GPT2: variants seen among roughly 807,000 people sequenced by gnomAD.
The protein encoded by GPT2 is glutamic--pyruvic transaminase 2.
A neutral mutation model predicts 56.9 loss-of-function variants in GPT2; 30 were observed. The observed-to-expected ratio is 0.53, with a 90% CI of 0.39 to 0.72. The LOEUF is 0.72. Among genes scored for constraint, GPT2 ranks in the 30% least tolerant of loss-of-function variants. The pLI, the probability that GPT2 is intolerant of heterozygous loss-of-function variation, is 0.00. For synonymous variants in GPT2, 271 were observed against 283.1 expected (o/e 0.96, Z 0.43); for missense variants, 542 against 703.4 (o/e 0.77, Z 2.60).
In GPT2 at chr16:46,897,692, G is replaced by A. The variant is rs1259892565; in HGVS notation, c.288G>A (p.Gly96=). The change falls in exon 3 of 12, where the codon GGG becomes GGA. Residue 96 remains glycine, a synonymous_variant. Coordinates refer to ENST00000340124, the MANE Select transcript of GPT2 (RefSeq NM_133443.4). The part of the protein sequence containing the change: ...PFTEVIRANI[G]DAQAMGQQPI... ...CAGAGGTCATCCGAGCCAACATCGG[G>A]GACGCCCAGGCTATGGGGCAGCAGC... is the stretch of plus-strand genomic sequence containing the variant. 5.6e-6 allele frequency: 9 copies of A among 1,614,016 alleles called. No homozygotes were observed. Among genetic ancestry groups the A allele is most frequent in the Non-Finnish European group, 5.9e-6 (7 of 1,179,990 alleles).
At chr16:46,918,873 C>A in intron 8 of GPT2, 116 bp downstream of exon 8, 1 of 1,253,214 alleles carries the variant, frequency 8.0e-7, no homozygotes, top group South Asian at 1.4e-5. Context: ...CTGCCCTTAT[C>A]TGTTGCTTCT....
intron 6 of GPT2, among the ~76,000 whole-genome samples, chr16:46,914,612 T>C (rs560359015): frequency 6.6e-6 from 1 of 152,320 alleles, no homozygotes; most frequent in South Asian, 2.1e-4. Flanking sequence ...TGCTCATCTT[T>C]AGTGATGCAT....
At chr16:46,905,402 C>G (rs1407618674) in intron 4 of GPT2, among the ~76,000 whole-genome samples, 1 of 152,198 alleles carries the variant, frequency 6.6e-6, no homozygotes, top group African/African-American at 2.4e-5. Context: ...TGGACTGATG[C>G]ATGCTGAGGC....
intron 3 of GPT2, among the ~76,000 whole-genome samples, chr16:46,898,913 C>T (rs905797906): frequency 9.8e-5 from 14 of 142,138 alleles, no homozygotes; most frequent in South Asian, 4.4e-4. Context: ...CATATATATA[C>T]ACACACATAT....
chr16:46,912,495 C>T (rs1390372353), intron 6 of GPT2, among the ~76,000 whole-genome samples: 1 of 152,224 alleles, frequency 6.6e-6, no homozygotes, highest in African/African-American at 2.4e-5. Flanking sequence ...ATTGGCAGCT[C>T]TGTGTCCCAG....
At chr16:46,894,271 GGGCT>G (rs1445131577) in intron 2 of GPT2, among the ~76,000 whole-genome samples, 2 of 152,198 alleles carry the variant, frequency 1.3e-5, no homozygotes, top group Non-Finnish European at 2.9e-5. Context: ...TCCCTGTGTT[GGGCT>G]GGCCCAGGGC....
At position 46,926,963 on chromosome 16, in the gene GPT2, G is replaced by A; in HGVS notation, c.1407G>A (p.Lys469=). ...CTCCAGACATGTTCTACTGCATGAA[G>A]CTCCTGGAGGAGACTGGCATCTGTG... ...QMAPDMFYCM[K]LLEETGICVV... The change falls in exon 11 of 12, where the codon AAG becomes AAA. Residue 469 remains lysine (K), a synonymous_variant. Coordinates refer to ENST00000340124, the MANE Select transcript of GPT2 (RefSeq NM_133443.4). The A allele has an allele frequency of 6.2e-7, 1 of 1,606,834 alleles. No homozygotes were observed.
rs200474333 is a variant in GPT2, at chr16:46,917,536, T to C, written c.900+829T>C. The stretch of plus-strand genomic sequence containing the variant: ...AGGGTCTGCTCATTCTTTTTCTGTT[T>C]TGTAAGAAAGAAACTGAGGTTCCAG... On this transcript the variant is annotated intron_variant, in intron 7 of 11. Coordinates refer to ENST00000340124, the MANE Select transcript of GPT2 (RefSeq NM_133443.4). 3.7e-4 allele frequency among the ~76,000 whole-genome samples: 57 copies of C among 152,300 alleles called. No individual in the cohort carries two copies. In the East Asian group the frequency reaches 0.01, roughly 27 times the overall value.
intron 3 of GPT2, among the ~76,000 whole-genome samples, chr16:46,900,318 AC>A (rs1455219007): frequency 6.6e-6 from 1 of 152,006 alleles, no homozygotes; most frequent in Non-Finnish European, 1.5e-5. Context: ...GCCATGCTCC[AC>A]CCAGCTGGGC....
intron 6 of GPT2, among the ~76,000 whole-genome samples, chr16:46,913,089 T>C (rs986748488): frequency 6.6e-6 from 1 of 152,230 alleles, no homozygotes; most frequent in Non-Finnish European, 1.5e-5. Flanking sequence ...CATTCCCTTC[T>C]CCTGCGCCAC....
intron 11 of GPT2, among the ~76,000 whole-genome samples, chr16:46,928,371 TC>T (rs1324948793): frequency 2.0e-5 from 3 of 151,178 alleles, no homozygotes; most frequent in Middle Eastern, 6.9e-3. Context: ...ATGCCTGTAA[TC>T]CCAGCACTTT....
At position 46,916,615 on chromosome 16, in the gene GPT2, G is replaced by C; in HGVS notation, c.821-13G>C. 1 of 1,608,840 alleles carries C rather than the reference G, an allele frequency of 6.2e-7. No individual in the cohort carries two copies. Among genetic ancestry groups the C allele is most frequent in the Non-Finnish European group, 8.5e-7 (1 of 1,175,228 alleles). ...TTACAACCGACATTTTGGTTTTCTT[G>C]GGGATTTTATAGGCCAGGTACAAAG... On this transcript the variant is annotated splice_polypyrimidine_tract_variant and intron_variant, in intron 6 of 11. Transcript: ENST00000340124.
At chr16:46,913,745 T>C (rs745375659) in intron 6 of GPT2, among the ~76,000 whole-genome samples, 1 of 152,196 alleles carries the variant, frequency 6.6e-6, no homozygotes, top group Non-Finnish European at 1.5e-5. Flanking sequence ...GTTTTGCATA[T>C]ATATATATGT....
At position 46,907,098 on chromosome 16, in the gene GPT2, G is replaced by T. The variant is rs1056239199; in HGVS notation, c.576+123G>T. ...GTGGCAGCACGGGTGGCCACCCTCT[G>T]GTCCCCCAGCCCTGGCAGCCTGCAG... On this transcript the variant is annotated intron_variant, in intron 5 of 11. Transcript: ENST00000340124. The T allele has an allele frequency of 7.0e-6, 9 of 1,293,214 alleles. No homozygotes were observed. In the African/African-American group the frequency reaches 1.0e-4, roughly 15 times the overall value. The allele number at this position is 1,293,214 out of a possible 1,614,324, so 80.1% of individuals were successfully genotyped here.
In GPT2 at chr16:46,930,659, T is replaced by C. The variant is rs1961526680; in HGVS notation, c.*1662T>C. ...ATTAGTCCCAGGGTCGTGAGGTTTC[T>C]GGTGAAAAGGTTAAATCGTAGAAGC... On this transcript the variant is annotated 3_prime_UTR_variant, in exon 12 of 12. Transcript: ENST00000340124. 1 of 152,636 alleles carries C rather than the reference T, an allele frequency of 6.6e-6. No homozygotes were observed. The highest frequency in any genetic ancestry group is 2.1e-4 in the South Asian group (1 of 4,832). 9.5% of individuals were successfully genotyped at this position (152,636 alleles called of 1,614,324 possible).
At chr16:46,888,709 G>C in intron 2 of GPT2, among the ~76,000 whole-genome samples, 1 of 152,048 alleles carries the variant, frequency 6.6e-6, no homozygotes. Context: ...GAATGCAGTG[G>C]CACAATCATG....
At chr16:46,911,634 C>T (rs1026366228) in intron 6 of GPT2, among the ~76,000 whole-genome samples, 2 of 152,126 alleles carry the variant, frequency 1.3e-5, no homozygotes, top group African/African-American at 2.4e-5. Context: ...CCTGTGCTGC[C>T]GAGGCTGAGA....
At chr16:46,885,947 C>T (rs998031117) in intron 2 of GPT2, among the ~76,000 whole-genome samples, 77 of 152,176 alleles carry the variant, frequency 5.1e-4, no homozygotes, top group African/African-American at 1.8e-3. Context: ...CTTGCCCTCA[C>T]CCGGGTCACT....
At position 46,931,179 on chromosome 16, in the gene GPT2, G is replaced by C. The variant is rs1275603073; in HGVS notation, c.*2182G>C. The C allele has an allele frequency of 6.6e-6, 1 of 152,214 alleles. No individual in the cohort carries two copies. Among genetic ancestry groups the C allele is most frequent in the Non-Finnish European group, 1.5e-5 (1 of 68,038 alleles). 9.4% of individuals were successfully genotyped at this position (152,214 alleles called of 1,614,324 possible). The stretch of plus-strand genomic sequence containing the variant: ...GGAGTGTTGGGGAGGAACAGATGCA[G>C]ATCAACCTGTGGCTGTTTTCCCGTC... On this transcript the variant is annotated 3_prime_UTR_variant, in exon 12 of 12. Transcript: ENST00000340124.
Sources: allele counts gnomAD v4.1 joint callset (sites outside exome capture counted in the v4.1 genomes callset), GRCh38; gene constraint gnomAD v4.1.1; transcripts MANE v1.5; gene names NCBI Gene and HGNC (gene_info 2026-07-23, HGNC 2026-07-21).